BCKDHB: variants seen among roughly 807,000 people sequenced by gnomAD.
BCKDHB encodes 2-oxoisovalerate dehydrogenase subunit beta, mitochondrial.
A neutral mutation model predicts 48.5 loss-of-function variants in BCKDHB; 41 were observed. That is an observed-to-expected ratio of 0.85 (90% CI 0.66 to 1.10). The LOEUF (loss-of-function observed/expected upper bound fraction) is 1.10, where lower values mean the gene tolerates loss of function less well. Ranked by LOEUF, BCKDHB falls within the 50% of genes least tolerant of loss-of-function variation. The probability of loss-of-function intolerance (pLI) is 0.00; values close to 1 mark genes in which losing one functional copy is unlikely to be tolerated. For synonymous variants in BCKDHB, 201 were observed against 174.8 expected (o/e 1.15, Z -1.18); for missense variants, 496 against 494.2 (o/e 1.00, Z -0.03).
At chr6:80,456,996 AAAT>A in the BCKDHB span, among the ~76,000 whole-genome samples, 2 of 152,212 alleles carry the variant, frequency 1.3e-5, no homozygotes, top group Admixed American at 1.3e-4. Context: ...CTGTTTTTTT[AAAT>A]AATAAATCAA....
At position 80,311,077 on chromosome 6, in the gene BCKDHB, T is replaced by C. The variant is rs1397684729; in HGVS notation, c.1039-32587T>C. 3.9e-5 allele frequency among the ~76,000 whole-genome samples: 6 copies of C among 152,268 alleles called. No homozygotes were observed. In the South Asian group the frequency reaches 1.0e-3, roughly 26 times the overall value. ...GTGGGTGGGACCCAGTGAGAGGTAATTGAATCATGGGGGCAGATCTTTCCC... is the reference window on the plus strand; with the variant it reads ...GTGGGTGGGACCCAGTGAGAGGTAACTGAATCATGGGGGCAGATCTTTCCC... On this transcript the variant is annotated intron_variant, in intron 9 of 9. Transcript: ENST00000320393.
chr6:80,138,764 C>T (rs536956067), intron 3 of BCKDHB, among the ~76,000 whole-genome samples: 22 of 152,208 alleles, frequency 1.4e-4, no homozygotes, highest in East Asian at 1.2e-3. Flanking sequence ...AATAAACATA[C>T]GTGTGCATGT....
the BCKDHB span, among the ~76,000 whole-genome samples, chr6:80,405,429 T>A: frequency 1.3e-5 from 2 of 152,158 alleles, no homozygotes; most frequent in African/African-American, 4.8e-5. Context: ...TGTTCTTAAA[T>A]ATAAAGTGAG....
intron 1 of BCKDHB, among the ~76,000 whole-genome samples, chr6:80,110,251 C>G (rs1264172674): frequency 1.3e-5 from 2 of 152,140 alleles, no homozygotes; most frequent in Non-Finnish European, 2.9e-5. Context: ...TTTATTCAGT[C>G]ATTCTCTGCA....
chr6:80,425,701 TACA>T, the BCKDHB span, among the ~76,000 whole-genome samples: 1 of 152,220 alleles, frequency 6.6e-6, no homozygotes, highest in South Asian at 2.1e-4. Context: ...TTCTTACAAC[TACA>T]ACATCAGTTG....
intron 9 of BCKDHB, among the ~76,000 whole-genome samples, chr6:80,327,642 C>G (rs1239500758): frequency 3.3e-5 from 5 of 152,128 alleles, no homozygotes; most frequent in African/African-American, 1.2e-4. Flanking sequence ...TTTCTCTGCC[C>G]TCTCTGTACC....
At chr6:80,255,395 A>C (rs949361645) in intron 8 of BCKDHB, among the ~76,000 whole-genome samples, 2 of 152,218 alleles carry the variant, frequency 1.3e-5, no homozygotes, top group African/African-American at 2.4e-5. Context: ...TTCTATTGAT[A>C]GTGGCTTCTA....
chr6:80,387,181 A>G, the BCKDHB span, among the ~76,000 whole-genome samples: 1 of 152,110 alleles, frequency 6.6e-6, no homozygotes, highest in South Asian at 2.1e-4. Flanking sequence ...CTCAGCTCTG[A>G]CTTACAGTGG....
At chr6:80,392,892 C>G in the BCKDHB span, among the ~76,000 whole-genome samples, 1 of 138,296 alleles carries the variant, frequency 7.2e-6, no homozygotes, top group Admixed American at 7.3e-5. Flanking sequence ...TGGCTAATTA[C>G]CTACTTAGTC....
intron 8 of BCKDHB, among the ~76,000 whole-genome samples, chr6:80,254,844 T>C (rs1053096508): frequency 3.3e-5 from 5 of 152,200 alleles, no homozygotes; most frequent in African/African-American, 1.2e-4. Flanking sequence ...TGTTGACAGC[T>C]TGATTTTGGA....
At chr6:80,167,903 C>T (rs1772659672) in intron 4 of BCKDHB, 92 bp downstream of exon 4, 1 of 1,262,026 alleles carries the variant, frequency 7.9e-7, no homozygotes, top group Non-Finnish European at 1.1e-6. Context: ...GCATTCTAAA[C>T]ATTTTATTAT....
At chr6:80,390,632 G>A in the BCKDHB span, among the ~76,000 whole-genome samples, 7 of 152,110 alleles carry the variant, frequency 4.6e-5, no homozygotes, top group Admixed American at 6.6e-5. Flanking sequence ...GGATTGGTGC[G>A]TTTCCGGTTG....
At chr6:80,182,358 A>G (rs183240656) in intron 6 of BCKDHB, among the ~76,000 whole-genome samples, 8 of 152,322 alleles carry the variant, frequency 5.3e-5, no homozygotes, top group Non-Finnish European at 1.0e-4. Flanking sequence ...GGATTTTCTT[A>G]TGCTATGGTA....
At chr6:80,341,423 CCTT>C (rs1272240839) in intron 9 of BCKDHB, among the ~76,000 whole-genome samples, 1 of 152,178 alleles carries the variant, frequency 6.6e-6, no homozygotes, top group Non-Finnish European at 1.5e-5. Flanking sequence ...TCTCTCACCT[CCTT>C]GTCATTCCCA....
intron 1 of BCKDHB, among the ~76,000 whole-genome samples, chr6:80,119,246 T>C (rs898892145): frequency 1.3e-4 from 20 of 152,000 alleles, no homozygotes; most frequent in African/African-American, 4.4e-4. Context: ...AATGAACGAA[T>C]GAATGAATGA....
chr6:80,238,242 C>T (rs552818744), intron 8 of BCKDHB, among the ~76,000 whole-genome samples: 6 of 152,144 alleles, frequency 3.9e-5, no homozygotes, highest in Non-Finnish European at 8.8e-5. Context: ...GGGCTACAGG[C>T]GCATGCCACC....
chr6:80,389,800 T>C, the BCKDHB span, among the ~76,000 whole-genome samples: 1 of 152,296 alleles, frequency 6.6e-6, no homozygotes, highest in Admixed American at 6.5e-5. Context: ...GAAGGTCGTG[T>C]ATGCTCTGAA....
intron 9 of BCKDHB, among the ~76,000 whole-genome samples, chr6:80,321,360 C>A (rs547356156): frequency 1.3e-5 from 2 of 152,252 alleles, no homozygotes; most frequent in East Asian, 3.9e-4. Flanking sequence ...TACTGAATAA[C>A]CTGTAGTGGA....
rs539676910 is a variant in BCKDHB, at chr6:80,273,315, A to G, written c.1038+94A>G. On this transcript the variant is annotated intron_variant, in intron 9 of 9. Transcript: ENST00000320393. The stretch of plus-strand genomic sequence containing the variant: ...ATTACTTATCACAATATGTGAAAGC[A>G]TACACTTTATGGAAATGTAGTGCAT... 6.2e-4 allele frequency: 685 copies of G among 1,104,724 alleles called. 11 individuals carry two copies. In the South Asian group the frequency reaches 8.3e-3, roughly 13 times the overall value. 68.4% of individuals were successfully genotyped at this position (1,104,724 alleles called of 1,614,324 possible). A position where few individuals can be genotyped will look rare whatever the true frequency, so the allele number is the denominator to read the frequency against.
Sources: gnomAD v4.1 joint callset for allele counts (sites outside exome capture counted in the v4.1 genomes callset) on GRCh38, gnomAD v4.1.1 for gene constraint, MANE v1.5 for transcripts, NCBI Gene and HGNC (gene_info 2026-07-23, HGNC 2026-07-21) for gene names.